Variants in APBB2 observed in about 807,000 individuals in gnomAD.
APBB2 encodes amyloid beta precursor protein binding family B member 2.
A neutral mutation model predicts 82.5 loss-of-function variants in APBB2; 38 were observed. That is an observed-to-expected ratio of 0.46 (90% CI 0.36 to 0.60). The LOEUF is 0.60. Ranked by LOEUF, APBB2 falls within the 20% of genes least tolerant of loss-of-function variation. The probability of loss-of-function intolerance (pLI) is 0.00; values close to 1 mark genes in which losing one functional copy is unlikely to be tolerated. For synonymous variants in APBB2, 341 were observed against 368.2 expected (o/e 0.93, Z 0.85); for missense variants, 772 against 972.3 (o/e 0.79, Z 2.74).
chr4:41,045,325 G>A lies in APBB2; in HGVS notation c.-50-12021C>T, dbSNP rs569662852. Among the ~76,000 whole-genome samples the A allele has an allele frequency of 4.6e-5, 7 of 151,808 alleles. No homozygotes were observed. In the South Asian group the frequency reaches 6.3e-4, roughly 14 times the overall value. ...TTTTGTTTTTTTGAGATGGAGTCTCGCTCTGTTGCCCAGGCTGGAGTGCAG... is the reference window on the plus strand; with the variant it reads ...TTTTGTTTTTTTGAGATGGAGTCTCACTCTGTTGCCCAGGCTGGAGTGCAG... On this transcript the variant is annotated intron_variant, in intron 4 of 17. Coordinates refer to ENST00000508593, the MANE Select transcript of APBB2 (RefSeq NM_004307.2).
intron 2 of APBB2, among the ~76,000 whole-genome samples, chr4:41,135,447 G>A (rs181822773): frequency 2.0e-5 from 3 of 152,202 alleles, no homozygotes; most frequent in Non-Finnish European, 4.4e-5. Context: ...TGAAGCCAAG[G>A]ATCAATGATC....
intron 12 of APBB2, chr4:40,848,851 C>T: frequency 1.0e-6 from 1 of 985,268 alleles, no homozygotes; most frequent in African/African-American, 1.7e-5. Context: ...TCATCCTGAT[C>T]ATCACTGCCT....
At chr4:40,948,206 T>G (rs1788985264) in intron 6 of APBB2, among the ~76,000 whole-genome samples, 1 of 152,228 alleles carries the variant, frequency 6.6e-6, no homozygotes, top group South Asian at 2.1e-4. Flanking sequence ...AGGCAGGAAG[T>G]ATGCCGAGTG....
rs1168223486 is a variant in APBB2, at chr4:40,833,406, T to C, written c.1530-2829A>G. On this transcript the variant is annotated intron_variant, in intron 12 of 17. Transcript: ENST00000508593. ...CGTAGTGGTGTCTTCCCTCACGTGG[T>C]GGCCAGTGGCCCTCCCCACACTGTC... Among the ~76,000 whole-genome samples the C allele has an allele frequency of 3.9e-5, 6 of 152,292 alleles. No homozygotes were observed. In the South Asian group the frequency reaches 1.2e-3, roughly 32 times the overall value.
chr4:41,016,188 A>G (rs1324434216), intron 5 of APBB2, among the ~76,000 whole-genome samples: 1 of 152,212 alleles, frequency 6.6e-6, no homozygotes, highest in Non-Finnish European at 1.5e-5. Context: ...ATGGCAAAAC[A>G]TTTATATTAG....
At chr4:40,862,984 G>T (rs2437322) in intron 12 of APBB2, among the ~76,000 whole-genome samples, 103,881 of 151,956 alleles carry the variant, frequency 0.68, 35,909 homozygotes, top group African/African-American at 0.76. Context: ...AGGTGTTCAG[G>T]GGGCTGTACA....
At chr4:40,836,347 T>G (rs1753941103) in intron 12 of APBB2, among the ~76,000 whole-genome samples, 2 of 152,012 alleles carry the variant, frequency 1.3e-5, no homozygotes, top group South Asian at 2.1e-4. Flanking sequence ...TGCGGTAGTG[T>G]GCACCTGTAA....
chr4:40,829,191 G>A (rs746264468), intron 13 of APBB2, among the ~76,000 whole-genome samples: 8 of 152,162 alleles, frequency 5.3e-5, no homozygotes, highest in South Asian at 2.1e-4. Flanking sequence ...CAAGAACATC[G>A]AGCACCACAA....
chr4:41,204,952 T>G (rs1777578984), intron 1 of APBB2, among the ~76,000 whole-genome samples: 1 of 152,248 alleles, frequency 6.6e-6, no homozygotes, highest in Non-Finnish European at 1.5e-5. Context: ...TTGAGTGATG[T>G]CCACAAAAGC....
intron 3 of APBB2, among the ~76,000 whole-genome samples, chr4:41,072,590 C>T (rs1734263554): frequency 6.6e-6 from 1 of 152,180 alleles, no homozygotes; most frequent in African/African-American, 2.4e-5. Context: ...CATACTTGGG[C>T]TGTTGTGATG....
At chr4:40,966,617 C>G (rs1794725762) in intron 6 of APBB2, among the ~76,000 whole-genome samples, 2 of 152,220 alleles carry the variant, frequency 1.3e-5, no homozygotes, top group African/African-American at 4.8e-5. Context: ...AATTTTGGAG[C>G]AGTTGTGGCT....
At position 40,811,870 on chromosome 4, in the gene APBB2, G is replaced by A. The variant is rs140103424; in HGVS notation, c.*4222C>T. 4.6e-5 allele frequency: 7 copies of A among 152,280 alleles called. No individual in the cohort carries two copies. The East Asian group carries it at 1.3e-3, about 29-fold the overall frequency. The allele number at this position is 152,280 out of a possible 1,614,324, so 9.4% of individuals were successfully genotyped here. A position where few individuals can be genotyped will look rare whatever the true frequency, so the allele number is the denominator to read the frequency against. ...CTGCCTTCCTGCGCCTAACAGTTAA[G>A]CTAAACCAGATTCAACTGATTTCTC... On this transcript the variant is annotated 3_prime_UTR_variant, in exon 18 of 18. Coordinates refer to ENST00000508593, the MANE Select transcript of APBB2 (RefSeq NM_004307.2).
At chr4:41,048,716 A>T (rs1724387740) in intron 4 of APBB2, among the ~76,000 whole-genome samples, 1 of 141,800 alleles carries the variant, frequency 7.1e-6, no homozygotes, top group East Asian at 2.1e-4. Flanking sequence ...TCTCCCTCTG[A>T]TGCCGAGCGG....
intron 1 of APBB2, among the ~76,000 whole-genome samples, chr4:41,170,199 T>C (rs758034219): frequency 6.6e-6 from 1 of 151,908 alleles, no homozygotes; most frequent in Non-Finnish European, 1.5e-5. Context: ...CTGTCTGAGA[T>C]TTAGAAACTA....
At chr4:41,169,857 GTT>G (rs33935741) in intron 1 of APBB2, among the ~76,000 whole-genome samples, 36 of 149,356 alleles carry the variant, frequency 2.4e-4, no homozygotes, top group African/African-American at 7.6e-4. Context: ...ATTACTGTAG[GTT>G]TTTTTTTTTA....
chr4:41,183,799 A>G (rs1341399183), intron 1 of APBB2, among the ~76,000 whole-genome samples: 2 of 143,838 alleles, frequency 1.4e-5, no homozygotes, highest in South Asian at 2.4e-4. Flanking sequence ...AAGTTGTTTC[A>G]TGGAAGACAA....
chr4:40,886,049 G>C (rs1272814417), intron 12 of APBB2, among the ~76,000 whole-genome samples: 3 of 152,172 alleles, frequency 2.0e-5, no homozygotes, highest in Non-Finnish European at 4.4e-5. Context: ...CTTTCTTGTG[G>C]GAAATGGCTG....
intron 3 of APBB2, among the ~76,000 whole-genome samples, chr4:41,081,067 C>G (rs141750483): frequency 3.3e-5 from 5 of 152,200 alleles, no homozygotes; most frequent in African/African-American, 1.2e-4. Flanking sequence ...CATTCTTCTA[C>G]GTAGTCAGTT....
At position 40,816,214 on chromosome 4, in the gene APBB2, C is replaced by T; in HGVS notation, c.2158G>A (p.Val720Ile). Residue 720 changes from valine (V) to isoleucine (I), a missense_variant, in exon 18 of 18, where the codon GTT (valine) becomes ATT (isoleucine). Transcript: ENST00000508593. ...CLVARPPSQK[V>I]RPPPPPADSV... ...TCTGCTGGCGGTGGAGGTGGTCGAACTTTCTGAGAAGGCGGCCTGGCTACC... is the reference window on the plus strand; with the variant it reads ...TCTGCTGGCGGTGGAGGTGGTCGAATTTTCTGAGAAGGCGGCCTGGCTACC... 6.2e-7 allele frequency: 1 copy of T among 1,614,160 alleles called. No homozygotes were observed. The highest frequency in any genetic ancestry group is 8.5e-7 in the Non-Finnish European group (1 of 1,180,034).
Sources: allele counts gnomAD v4.1 joint callset (sites outside exome capture counted in the v4.1 genomes callset), GRCh38; gene constraint gnomAD v4.1.1; transcripts MANE v1.5; gene names NCBI Gene and HGNC (gene_info 2026-07-23, HGNC 2026-07-21).